Variants in CCDC170 observed in about 807,000 individuals in gnomAD.
The protein encoded by CCDC170 is coiled-coil domain containing 170.
A neutral mutation model predicts 72.6 loss-of-function variants in CCDC170; 69 were observed. The ratio of observed to expected loss-of-function variants is 0.95; its 90% confidence interval spans 0.78 to 1.16. The LOEUF (loss-of-function observed/expected upper bound fraction) is 1.16, where lower values mean the gene tolerates loss of function less well. CCDC170 is among the 50% of genes most tolerant of loss of function. The pLI is 0.00. For synonymous variants in CCDC170, 300 were observed against 303.9 expected, an observed-to-expected ratio of 0.99 and a Z score of 0.13; for missense variants, 852 against 832.5, an observed-to-expected ratio of 1.02 and a Z score of -0.29.
intron 7 of CCDC170, among the ~76,000 whole-genome samples, chr6:151,592,403 T>C (rs1234319309): frequency 1.3e-5 from 2 of 151,912 alleles, no homozygotes; most frequent in Non-Finnish European, 2.9e-5. Flanking sequence ...AAGACATACC[T>C]GAGGCTGGGT....
chr6:151,599,518 G>A (rs1172795730), intron 9 of CCDC170, among the ~76,000 whole-genome samples: 2 of 152,106 alleles, frequency 1.3e-5, no homozygotes, highest in Non-Finnish European at 1.5e-5. Context: ...AGTTGGGGAG[G>A]GGAAGAAGCT....
At chr6:151,496,079 GTTTT>G (rs938621118) in intron 1 of CCDC170, among the ~76,000 whole-genome samples, 9 of 151,840 alleles carry the variant, frequency 5.9e-5, no homozygotes, top group African/African-American at 2.2e-4. Flanking sequence ...TTGTTTGTTT[GTTTT>G]TGTCTTTGAT....
intron 1 of CCDC170, among the ~76,000 whole-genome samples, chr6:151,536,061 T>C (rs1224487879): frequency 6.6e-6 from 1 of 152,206 alleles, no homozygotes; most frequent in Non-Finnish European, 1.5e-5. Flanking sequence ...CACTCTGCCA[T>C]AGGCCAATTC....
chr6:151,518,413 T>C (rs966936602), intron 1 of CCDC170, among the ~76,000 whole-genome samples: 5 of 152,144 alleles, frequency 3.3e-5, no homozygotes, highest in Admixed American at 6.5e-5. Context: ...AAAAAAAGCA[T>C]ACATTTGTTA....
intron 8 of CCDC170, among the ~76,000 whole-genome samples, chr6:151,594,055 A>T (rs959311698): frequency 8.5e-5 from 13 of 152,248 alleles, no homozygotes; most frequent in African/African-American, 2.9e-4. Flanking sequence ...CACTCAAAGG[A>T]AGAGTTAGAA....
chr6:151,538,761 C>T (rs547069681), intron 3 of CCDC170, among the ~76,000 whole-genome samples: 9 of 152,296 alleles, frequency 5.9e-5, no homozygotes, highest in African/African-American at 2.2e-4. Context: ...GTTTTCCACA[C>T]TTCATTCTGA....
At position 151,499,545 on chromosome 6, in the gene CCDC170, A is replaced by G. The variant is rs139911449; in HGVS notation, c.57+5360A>G. Among the ~76,000 whole-genome samples, 75 of 118,842 alleles carry G rather than the reference A, an allele frequency of 6.3e-4. 2 individuals carry two copies. The highest frequency in any genetic ancestry group is 1.3e-3 in the African/African-American group (32 of 23,966). 78.0% of individuals were successfully genotyped at this position (118,842 alleles called of 152,430 possible). ...TATTTGACTATTCTAGGCATGCTGT[A>G]TAAGTGGAATCATACTGTATTTGAC... On this transcript the variant is annotated intron_variant, in intron 1 of 10. Coordinates refer to ENST00000239374, the MANE Select transcript of CCDC170 (RefSeq NM_025059.4).
intron 1 of CCDC170, among the ~76,000 whole-genome samples, chr6:151,497,509 C>T (rs891289072): frequency 5.3e-5 from 8 of 152,208 alleles, no homozygotes; most frequent in African/African-American, 1.7e-4. Context: ...ATAATGCGAT[C>T]ACCAGCACAG....
At chr6:151,605,051 C>A (rs1039194994) in intron 9 of CCDC170, among the ~76,000 whole-genome samples, 2 of 152,122 alleles carry the variant, frequency 1.3e-5, no homozygotes, top group Admixed American at 6.5e-5. Context: ...GTGCCCTGCC[C>A]CCACCCTTCC....
At chr6:151,561,163 A>G (rs956479194) in intron 5 of CCDC170, among the ~76,000 whole-genome samples, 1 of 152,144 alleles carries the variant, frequency 6.6e-6, no homozygotes. Flanking sequence ...TAATCATATC[A>G]TGAAGAATGG....
At chr6:151,591,378 C>T (rs556083123) in intron 7 of CCDC170, among the ~76,000 whole-genome samples, 1 of 152,136 alleles carries the variant, frequency 6.6e-6, no homozygotes, top group Non-Finnish European at 1.5e-5. Flanking sequence ...CCACGGAAAT[C>T]AAGCAGAGGA....
intron 6 of CCDC170, among the ~76,000 whole-genome samples, chr6:151,574,543 G>A (rs149724492): frequency 5.3e-5 from 8 of 152,282 alleles, no homozygotes; most frequent in Admixed American, 1.3e-4. Flanking sequence ...GCCTTACACA[G>A]CCCTCCACTG....
At chr6:151,494,212 C>T in intron 1 of CCDC170, 27 bp downstream of exon 1, 1 of 1,493,234 alleles carries the variant, frequency 6.7e-7, no homozygotes, top group Non-Finnish European at 8.9e-7. Flanking sequence ...CGGCCGCGCG[C>T]GGGGGTGGCC....
At chr6:151,587,212 C>T (rs953306261) in intron 7 of CCDC170, among the ~76,000 whole-genome samples, 4 of 151,990 alleles carry the variant, frequency 2.6e-5, no homozygotes, top group African/African-American at 7.3e-5. Flanking sequence ...AGAAGGAGCC[C>T]GCACTGAGGA....
At chr6:151,541,578 G>C (rs954817493) in intron 3 of CCDC170, among the ~76,000 whole-genome samples, 1 of 151,858 alleles carries the variant, frequency 6.6e-6, no homozygotes, top group East Asian at 1.9e-4. Context: ...CTTGGTGTAT[G>C]ATGGGTACTC....
intron 5 of CCDC170, among the ~76,000 whole-genome samples, chr6:151,550,731 C>T (rs1782864980): frequency 6.6e-6 from 1 of 152,090 alleles, no homozygotes. Flanking sequence ...TGGTGAGGGC[C>T]CTCATCCTGC....
chr6:151,593,139 A>C lies in CCDC170; in HGVS notation c.1326A>C (p.Lys442Asn). The change falls in exon 8 of 11, where the codon AAA becomes AAC. Residue 442 changes from lysine to asparagine, a missense_variant. Physicochemically the swap from Lys to Asn is moderately conservative, Grantham distance 94. Coordinates refer to ENST00000239374, the MANE Select transcript of CCDC170 (RefSeq NM_025059.4). Reference protein sequence around the residue: ...YLKFLDQLSQKMKLDQMAAEL... With the variant: ...YLKFLDQLSQNMKLDQMAAEL... ...AATTTCTGGATCAGCTTTCTCAGAA[A>C]ATGAAGTTGGACCAGATGGCTGCCG... is the stretch of plus-strand genomic sequence containing the variant. The C allele has an allele frequency of 1.2e-6, 2 of 1,614,208 alleles. No homozygotes were observed. Among genetic ancestry groups the C allele is most frequent in the Non-Finnish European group, 1.7e-6 (2 of 1,180,034 alleles).
At chr6:151,575,149 T>C (rs1256203766) in intron 6 of CCDC170, among the ~76,000 whole-genome samples, 1 of 152,206 alleles carries the variant, frequency 6.6e-6, no homozygotes, top group East Asian at 1.9e-4. Flanking sequence ...TCCTAGTTAA[T>C]GAGACTTTAA....
rs142928484 is a variant in CCDC170, at chr6:151,505,499, C to T, written c.57+11314C>T. Among the ~76,000 whole-genome samples the T allele has an allele frequency of 0.013, 2,042 of 151,852 alleles. 138 individuals are homozygous for T. The East Asian group carries it at 0.2, about 15-fold the overall frequency. On this transcript the variant is annotated intron_variant, in intron 1 of 10. Transcript: ENST00000239374. ...GAGATCGAGACCATCCTGGTTAACACGGTGAAACCCTGTCTGTACTAAAAA... is the reference window on the plus strand; with the variant it reads ...GAGATCGAGACCATCCTGGTTAACATGGTGAAACCCTGTCTGTACTAAAAA...
Sources: allele counts gnomAD v4.1 joint callset (sites outside exome capture counted in the v4.1 genomes callset), GRCh38; gene constraint gnomAD v4.1.1; transcripts MANE v1.5; gene names NCBI Gene and HGNC (gene_info 2026-07-23, HGNC 2026-07-21).